The following CSMD2 variants were observed in gnomAD, a reference collection of about 807,000 sequenced individuals.
The protein encoded by CSMD2 is CUB and Sushi multiple domains 2.
CSMD2 carries 130 observed loss-of-function variants against 398.5 expected under a neutral mutation model. That is an observed-to-expected ratio of 0.33 (90% CI 0.28 to 0.38). CSMD2 has a LOEUF of 0.38. CSMD2 is among the 10% of genes least tolerant of loss of function. The pLI is 1.00. For missense variants in CSMD2, 3,829 were observed against 4,764.9 expected, an observed-to-expected ratio of 0.80 and a Z score of 5.78; for synonymous variants, 1,828 against 1,908.5, an observed-to-expected ratio of 0.96 and a Z score of 1.10.
chr1:33,744,958 C>T (rs1647225405), intron 13 of CSMD2, among the ~76,000 whole-genome samples: 1 of 152,138 alleles, frequency 6.6e-6, no homozygotes, highest in African/African-American at 2.4e-5. Flanking sequence ...ACTCAGTAAT[C>T]TCTAGGAATT....
In CSMD2 at chr1:33,600,811, C is replaced by G. The variant is rs556673952; in HGVS notation, c.6856+54G>C. ...AAATGGTGGAGACGGGAGTCAAGCT[C>G]AGCCTTGACTTGAAAGCCTGGCCCT... On this transcript the variant is annotated intron_variant, in intron 44 of 70. Coordinates refer to ENST00000373381, the MANE Select transcript of CSMD2 (RefSeq NM_001281956.2). The G allele has an allele frequency of 4.4e-6, 7 of 1,578,658 alleles. No individual in the cohort carries two copies. The Admixed American group carries it at 1.2e-4, about 27-fold the overall frequency.
chr1:33,864,547 C>G (rs1046579898), intron 5 of CSMD2: 1 of 1,613,994 alleles, frequency 6.2e-7, no homozygotes, highest in Non-Finnish European at 8.5e-7. Flanking sequence ...CCGAACTGGT[C>G]GGTGGTGCAG....
intron 12 of CSMD2, among the ~76,000 whole-genome samples, chr1:33,777,061 A>G (rs1481141205): frequency 6.6e-6 from 1 of 152,078 alleles, no homozygotes; most frequent in Non-Finnish European, 1.5e-5. Context: ...AGAGCTGAAG[A>G]CAGCATAAGG....
intron 12 of CSMD2, among the ~76,000 whole-genome samples, chr1:33,780,418 C>T (rs532564405): frequency 5.3e-5 from 8 of 152,230 alleles, no homozygotes; most frequent in South Asian, 2.1e-4. Flanking sequence ...TTTCTGCACA[C>T]GATTGCCACA....
rs141367704 is a variant in CSMD2, at chr1:33,856,417, A to G, written c.921-9421T>C. Among the ~76,000 whole-genome samples, 103 of 152,276 alleles carry G rather than the reference A, an allele frequency of 6.8e-4. 1 individual carries two copies. The highest frequency in any genetic ancestry group is 2.4e-3 in the African/African-American group (99 of 41,580). On this transcript the variant is annotated intron_variant, in intron 5 of 70. Coordinates refer to ENST00000373381, the MANE Select transcript of CSMD2 (RefSeq NM_001281956.2). ...GGCCTCCACTGGCTCCTGCTTTCCC[A>G]GCCTTGCCCACTTTCCACCTGTCAC...
intron 64 of CSMD2, among the ~76,000 whole-genome samples, chr1:33,527,488 G>A (rs1327391087): frequency 6.6e-6 from 1 of 152,038 alleles, no homozygotes; most frequent in Non-Finnish European, 1.5e-5. Context: ...TTTATTAGTT[G>A]GAGTTCTTAC....
intron 15 of CSMD2, among the ~76,000 whole-genome samples, chr1:33,729,414 G>C (rs1646646974): frequency 6.7e-6 from 1 of 149,594 alleles, no homozygotes; most frequent in Non-Finnish European, 1.5e-5. Flanking sequence ...TCATATTGCA[G>C]AGTGGTAGTT....
chr1:33,717,536 G>A (rs1646214097), intron 19 of CSMD2, among the ~76,000 whole-genome samples: 1 of 151,930 alleles, frequency 6.6e-6, no homozygotes, highest in South Asian at 2.1e-4. Flanking sequence ...GGGCACGCAG[G>A]AGGAAGGTGT....
chr1:33,719,068 G>A (rs1383873949), intron 19 of CSMD2, among the ~76,000 whole-genome samples: 2 of 111,608 alleles, frequency 1.8e-5, no homozygotes, highest in Non-Finnish European at 3.5e-5. Context: ...TTCAGAGTGG[G>A]GCATGGAGGA....
At chr1:33,737,569 G>C (rs1190825882) in intron 15 of CSMD2, among the ~76,000 whole-genome samples, 1 of 152,218 alleles carries the variant, frequency 6.6e-6, no homozygotes, top group South Asian at 2.1e-4. Flanking sequence ...CTGAGGCACA[G>C]AGAGGTCAAG....
rs138253322 is a variant in CSMD2 at position 33,540,399 on chromosome 1, T to A, written c.9631+126A>T. 2,280 of 895,012 alleles carry A rather than the reference T, an allele frequency of 2.5e-3. 6 individuals carry two copies. The highest frequency in any genetic ancestry group is 3.4e-3 in the Non-Finnish European group (1,988 of 580,656). The allele number at this position is 895,012 out of a possible 1,614,324, so 55.4% of individuals were successfully genotyped here. ...CTTCCCTCTTTAATAGTGTCTTTGA[T>A]GAAGCTCCTCCCTGGTTTTGGGGAG... is the stretch of plus-strand genomic sequence containing the variant. On this transcript the variant is annotated intron_variant, in intron 60 of 70. Transcript: ENST00000373381.
chr1:33,768,536 A>ATGTGTGTG (rs60273744), intron 13 of CSMD2, among the ~76,000 whole-genome samples: 136 of 142,248 alleles, frequency 9.6e-4, no homozygotes, highest in Middle Eastern at 3.5e-3. Flanking sequence ...GTGTGCGTGC[A>ATGTGTGTG]TGTGTGTGTG....
chr1:33,744,216 T>C (rs1302058271), intron 13 of CSMD2, among the ~76,000 whole-genome samples: 2 of 152,180 alleles, frequency 1.3e-5, no homozygotes, highest in Admixed American at 6.5e-5. Flanking sequence ...GGAAAGGACA[T>C]TGCTTAATGA....
chr1:33,991,307 G>C (rs1646546646), intron 3 of CSMD2, among the ~76,000 whole-genome samples: 1 of 152,116 alleles, frequency 6.6e-6, no homozygotes, highest in African/African-American at 2.4e-5. Context: ...TCCCATGGCT[G>C]TGTCCTGTAC....
chr1:33,725,946 C>T (rs1442615225), intron 16 of CSMD2, among the ~76,000 whole-genome samples: 1 of 151,586 alleles, frequency 6.6e-6, no homozygotes, highest in Non-Finnish European at 1.5e-5. Context: ...AAAGGCAAAG[C>T]AGAGCATGCA....
chr1:33,679,622 A>G (rs1644837773), intron 25 of CSMD2, among the ~76,000 whole-genome samples: 1 of 152,240 alleles, frequency 6.6e-6, no homozygotes, highest in African/African-American at 2.4e-5. Context: ...CATAAATGAA[A>G]TCACATAGAA....
intron 45 of CSMD2, 121 bp downstream of exon 45, chr1:33,586,967 G>C (rs942475907): frequency 4.1e-6 from 3 of 723,634 alleles, no homozygotes; most frequent in Non-Finnish European, 6.9e-6. Flanking sequence ...AGGGCCTACT[G>C]TTTCTCTCTC....
intron 25 of CSMD2, among the ~76,000 whole-genome samples, chr1:33,673,386 T>C (rs1644584722): frequency 6.6e-6 from 1 of 151,986 alleles, no homozygotes; most frequent in Non-Finnish European, 1.5e-5. Context: ...ATGAATGAAA[T>C]GAAGCGAGAA....
Position 33,562,135 on chromosome 1 carries a change from A to C in CSMD2, c.8381-2662T>G, listed in dbSNP as rs183285934. Among the ~76,000 whole-genome samples the C allele has an allele frequency of 1.8e-3, 274 of 152,320 alleles. 2 individuals are homozygous for C. The highest frequency in any genetic ancestry group is 9.4e-3 in the Admixed American group (143 of 15,276). On this transcript the variant is annotated intron_variant, in intron 53 of 70. Transcript: ENST00000373381. ...TCAAGAATTGTCAGATATCCCTGAT[A>C]GATCAAATAAGATAAAGATGAAAAT... is the stretch of plus-strand genomic sequence containing the variant.
Sources: allele counts gnomAD v4.1 joint callset (sites outside exome capture counted in the v4.1 genomes callset), GRCh38; gene constraint gnomAD v4.1.1; transcripts MANE v1.5; gene names NCBI Gene and HGNC (gene_info 2026-07-23, HGNC 2026-07-21).